The following PHF21A variants were observed in gnomAD, a reference collection of about 807,000 sequenced individuals.
PHF21A encodes the protein BHC80a.
Under a neutral mutation model 82.5 loss-of-function variants are expected in PHF21A, and 11 were observed. The observed-to-expected ratio is 0.13, with a 90% CI of 0.08 to 0.22. The LOEUF is 0.22. Among genes scored for constraint, PHF21A ranks in the 10% least tolerant of loss-of-function variants. PHF21A has a pLI of 1.00. For missense variants in PHF21A, 579 were observed against 837.8 expected (o/e 0.69, Z 3.81); for synonymous variants, 297 against 302.8 (o/e 0.98, Z 0.20).
intron 6 of PHF21A, among the ~76,000 whole-genome samples, chr11:46,030,123 A>G (rs547001554): frequency 5.0e-4 from 76 of 152,370 alleles, no homozygotes; most frequent in African/African-American, 1.7e-3. Flanking sequence ...TAAACAATAG[A>G]GCAAACTGCT....
chr11:45,929,886 T>G lies in PHF21A; in HGVS notation c.*4082A>C, dbSNP rs1402114459. 1 of 152,116 alleles carries G rather than the reference T, an allele frequency of 6.6e-6. No individual in the cohort carries two copies. Among genetic ancestry groups the G allele is most frequent in the Non-Finnish European group, 1.5e-5 (1 of 68,164 alleles). The allele number at this position is 152,116 out of a possible 1,614,324, so 9.4% of individuals were successfully genotyped here. On this transcript the variant is annotated 3_prime_UTR_variant, in exon 19 of 19. Transcript: ENST00000676320. ...ACTCAGAGGACAGTCTAAGTCAGGG[T>G]GAGGATGGGAGTCCTGCTTCCTGCC...
At chr11:46,048,741 G>C (rs1023678388) in intron 6 of PHF21A, among the ~76,000 whole-genome samples, 1 of 151,944 alleles carries the variant, frequency 6.6e-6, no homozygotes, top group Non-Finnish European at 1.5e-5. Context: ...CTGCACTCCA[G>C]CTTGGGCGAC....
chr11:45,963,463 A>G (rs1185718287), intron 10 of PHF21A, among the ~76,000 whole-genome samples: 11 of 151,888 alleles, frequency 7.2e-5, no homozygotes, highest in Admixed American at 7.2e-4. Context: ...ATCTGTAAGA[A>G]TATAATCTAA....
intron 7 of PHF21A, among the ~76,000 whole-genome samples, chr11:45,974,418 A>AATTATT (rs59807950): frequency 0.042 from 6,231 of 147,258 alleles, 389 homozygotes; most frequent in African/African-American, 0.14. Context: ...TCAAACGACA[A>AATTATT]ATTATTATTA....
chr11:45,934,790 G>A (rs939840598), intron 18 of PHF21A: 20 of 347,166 alleles, frequency 5.8e-5, no homozygotes, highest in Admixed American at 1.1e-4. Flanking sequence ...CTGCTCAGCC[G>A]GGGACTTAGA....
intron 1 of PHF21A, among the ~76,000 whole-genome samples, chr11:46,092,512 C>T (rs186266489): frequency 4.5e-4 from 68 of 152,228 alleles, no homozygotes; most frequent in African/African-American, 1.6e-3. Context: ...AAATGAAATG[C>T]ACCTCATTTA....
chr11:46,087,786 T>A (rs1307378370), intron 3 of PHF21A, among the ~76,000 whole-genome samples: 1 of 152,164 alleles, frequency 6.6e-6, no homozygotes, highest in Non-Finnish European at 1.5e-5. Flanking sequence ...GATAGGGTCT[T>A]ACTGTGTCAC....
chr11:46,089,606 G>A (rs1462410576), intron 3 of PHF21A, among the ~76,000 whole-genome samples: 3 of 151,806 alleles, frequency 2.0e-5, no homozygotes, highest in African/African-American at 7.3e-5. Flanking sequence ...ATGTGGTAAG[G>A]CTGCTATGTT....
Position 45,939,175 on chromosome 11 carries a change from G to A in PHF21A, c.1453-863C>T, listed in dbSNP as rs552372319. On this transcript the variant is annotated intron_variant, in intron 15 of 18. Transcript: ENST00000676320. ...AAGTTTACAGGAGAGGTCTATAGTCGCCAAGGCCAAAATTAACATTATAGG... is the reference window on the plus strand; with the variant it reads ...AAGTTTACAGGAGAGGTCTATAGTCACCAAGGCCAAAATTAACATTATAGG... Among the ~76,000 whole-genome samples the A allele has an allele frequency of 1.2e-4, 18 of 152,216 alleles. No individual in the cohort carries two copies. The East Asian group carries it at 1.4e-3, about 11-fold the overall frequency.
intron 6 of PHF21A, among the ~76,000 whole-genome samples, chr11:46,062,184 GT>G (rs1399446733): frequency 1.3e-5 from 2 of 151,828 alleles, no homozygotes; most frequent in African/African-American, 4.8e-5. Flanking sequence ...AGGGTGTGGG[GT>G]TTTTTTAATT....
intron 7 of PHF21A, among the ~76,000 whole-genome samples, chr11:45,974,819 C>A (rs1048148182): frequency 6.6e-6 from 1 of 152,086 alleles, no homozygotes; most frequent in Non-Finnish European, 1.5e-5. Flanking sequence ...AGTATGATCA[C>A]CTTTAAGAGA....
chr11:45,963,857 T>C (rs1186227496), intron 10 of PHF21A, among the ~76,000 whole-genome samples: 1 of 152,178 alleles, frequency 6.6e-6, no homozygotes, highest in Non-Finnish European at 1.5e-5. Flanking sequence ...ATACCAAAGT[T>C]CTGCTGTCAA....
At position 46,031,221 on chromosome 11, in the gene PHF21A, C is replaced by T. The variant is rs537642530; in HGVS notation, c.153+45533G>A. On this transcript the variant is annotated intron_variant, in intron 6 of 18. Transcript: ENST00000676320. ...GATTGTTCTGCAATAATGTCCCTTC[C>T]AACCTCTTTCCATACCTTTTGTCCC... Among the ~76,000 whole-genome samples, 3 of 152,274 alleles carry T rather than the reference C, an allele frequency of 2.0e-5. 1 individual carries two copies. The South Asian group carries it at 6.2e-4, about 32-fold the overall frequency.
At chr11:46,109,366 T>G (rs2135961528) in intron 1 of PHF21A, among the ~76,000 whole-genome samples, 1 of 152,342 alleles carries the variant, frequency 6.6e-6, no homozygotes, top group Admixed American at 6.5e-5. Flanking sequence ...TTATTATTGA[T>G]GACAACAGAT....
chr11:45,984,604 T>TA (rs777854272), intron 6 of PHF21A, among the ~76,000 whole-genome samples: 1 of 152,240 alleles, frequency 6.6e-6, no homozygotes, highest in South Asian at 2.1e-4. Flanking sequence ...TTCCACCGTT[T>TA]AAGTCACGTT....
At chr11:46,059,707 C>G (rs2013010) in intron 6 of PHF21A, among the ~76,000 whole-genome samples, 114,633 of 152,004 alleles carry the variant, frequency 0.75, 45,600 homozygotes, top group Non-Finnish European at 0.9. Flanking sequence ...CAGGCATAAG[C>G]CATTGTACCT....
intron 1 of PHF21A, among the ~76,000 whole-genome samples, chr11:46,109,937 C>G (rs540000253): frequency 6.6e-6 from 1 of 151,182 alleles, no homozygotes; most frequent in African/African-American, 2.4e-5. Flanking sequence ...GCTGAGATGG[C>G]CCCCCTGCAC....
chr11:45,945,052 C>A (rs755361616), intron 15 of PHF21A, among the ~76,000 whole-genome samples: 1 of 152,238 alleles, frequency 6.6e-6, no homozygotes, highest in Non-Finnish European at 1.5e-5. Context: ...CATAAGCCAC[C>A]ATGCCCGGCC....
chr11:46,105,037 T>C (rs917062259), intron 1 of PHF21A, among the ~76,000 whole-genome samples: 6 of 152,298 alleles, frequency 3.9e-5, no homozygotes, highest in Non-Finnish European at 4.4e-5. Context: ...TGTCAGGCAC[T>C]TCTACTAGTT....
Sources: gnomAD v4.1 joint callset for allele counts (sites outside exome capture counted in the v4.1 genomes callset) on GRCh38, gnomAD v4.1.1 for gene constraint, MANE v1.5 for transcripts, NCBI Gene and HGNC (gene_info 2026-07-23, HGNC 2026-07-21) for gene names.